The following FRAS1 variants were observed in gnomAD, a reference collection of about 807,000 sequenced individuals.
FRAS1 encodes the protein Fraser extracellular matrix complex subunit 1.
Under a neutral mutation model 435.2 loss-of-function variants are expected in FRAS1, and 290 were observed. The ratio of observed to expected loss-of-function variants is 0.67; its 90% CI spans 0.61 to 0.73. FRAS1 has a LOEUF of 0.73. Among genes scored for constraint, FRAS1 ranks in the 30% least tolerant of loss-of-function variants. The pLI, the probability that FRAS1 is intolerant of heterozygous loss-of-function variation, is 0.00. For missense variants in FRAS1, 4,860 were observed against 5,001.5 expected, an observed-to-expected ratio of 0.97 and a Z score of 0.85; for synonymous variants, 1,800 against 1,851.0, an observed-to-expected ratio of 0.97 and a Z score of 0.71.
At chr4:78,231,155 C>T (rs1179399954) in intron 2 of FRAS1, among the ~76,000 whole-genome samples, 1 of 151,908 alleles carries the variant, frequency 6.6e-6, no homozygotes, top group Non-Finnish European at 1.5e-5. Context: ...TGGGGCTTCA[C>T]CATGTTGGCC....
intron 1 of FRAS1, among the ~76,000 whole-genome samples, chr4:78,060,749 G>A (rs1454323752): frequency 6.6e-6 from 1 of 152,194 alleles, no homozygotes; most frequent in African/African-American, 2.4e-5. Context: ...ATAGCTCTAA[G>A]ATACTTTGGC....
chr4:78,197,701 G>C (rs1313367481), intron 2 of FRAS1, among the ~76,000 whole-genome samples: 2 of 152,170 alleles, frequency 1.3e-5, no homozygotes, highest in Non-Finnish European at 2.9e-5. Context: ...CAGCACTTTG[G>C]GAGGCTAAGG....
rs74926675 is a variant in FRAS1 at position 78,347,980 on chromosome 4, A to ACAT, written c.2422+10163_2422+10164insCAT. Among the ~76,000 whole-genome samples, 25 of 51,946 alleles carry ACAT rather than the reference A, an allele frequency of 4.8e-4. 1 individual carries two copies. Among genetic ancestry groups the ACAT allele is most frequent in the African/African-American group, 8.4e-4 (5 of 5,964 alleles). 34.1% of individuals were successfully genotyped at this position (51,946 alleles called of 152,430 possible). A position where few individuals can be genotyped will look rare whatever the true frequency, so the allele number is the denominator to read the frequency against. ...TAAATTGGATACAAAGCTTCAAGAT[A>ACAT]GGGGAGGAGCCAAGATGGCCGAATA... On this transcript the variant is annotated intron_variant, in intron 20 of 73. Coordinates refer to ENST00000512123, the MANE Select transcript of FRAS1 (RefSeq NM_025074.7).
intron 2 of FRAS1, among the ~76,000 whole-genome samples, chr4:78,072,298 T>A (rs1385545332): frequency 6.6e-6 from 1 of 152,154 alleles, no homozygotes; most frequent in African/African-American, 2.4e-5. Context: ...TTTTTAAAAA[T>A]TGGTGTGCTA....
chr4:78,406,296 A>C (rs998812262), intron 30 of FRAS1, among the ~76,000 whole-genome samples: 10 of 152,208 alleles, frequency 6.6e-5, no homozygotes, highest in African/African-American at 2.2e-4. Context: ...AGAATAATTA[A>C]ATAGAATTAA....
intron 2 of FRAS1, among the ~76,000 whole-genome samples, chr4:78,217,295 G>C (rs1484470010): frequency 6.6e-6 from 1 of 152,242 alleles, no homozygotes; most frequent in African/African-American, 2.4e-5. Flanking sequence ...CATCCTAACA[G>C]ATACACCCAA....
intron 2 of FRAS1, among the ~76,000 whole-genome samples, chr4:78,200,583 A>C (rs1475568003): frequency 6.6e-6 from 1 of 152,090 alleles, no homozygotes; most frequent in Non-Finnish European, 1.5e-5. Context: ...GGGTAAAGGG[A>C]TTGATGCAAC....
At chr4:78,339,319 T>G (rs986465735) in intron 20 of FRAS1, among the ~76,000 whole-genome samples, 9 of 152,210 alleles carry the variant, frequency 5.9e-5, no homozygotes, top group Non-Finnish European at 1.3e-4. Context: ...GGATATTTAC[T>G]GAGAACTCAC....
chr4:78,181,430 T>C, intron 2 of FRAS1: 1 of 1,612,050 alleles, frequency 6.2e-7, no homozygotes, highest in Admixed American at 1.7e-5. Flanking sequence ...GCCACTGTAA[T>C]GTGAAAAAGA....
chr4:78,341,587 T>C (rs182616942), intron 20 of FRAS1, among the ~76,000 whole-genome samples: 1 of 152,288 alleles, frequency 6.6e-6, no homozygotes, highest in Admixed American at 6.5e-5. Flanking sequence ...TGCTGTTTTG[T>C]CTGCAAAAAT....
At chr4:78,066,608 G>A (rs1740050386) in intron 2 of FRAS1, among the ~76,000 whole-genome samples, 1 of 152,176 alleles carries the variant, frequency 6.6e-6, no homozygotes, top group Non-Finnish European at 1.5e-5. Flanking sequence ...GCACTATGGT[G>A]CATAACAGTG....
At position 78,540,661 on chromosome 4, in the gene FRAS1, A is replaced by G. The variant is rs556699535; in HGVS notation, c.11576A>G (p.Asp3859Gly). ...RRNRRDLVEP[D>G]GQLILDDSLI... ...AACCGAAGGGACCTGGTAGAGCCCG[A>G]TGGCCAGCTGATCCTTGATGATTCC... The change falls in exon 74 of 74, where the codon GAT becomes GGT. Residue 3859 changes from aspartate (D) to glycine (G), a missense_variant. Transcript: ENST00000512123. 3 of 1,612,500 alleles carry G rather than the reference A, an allele frequency of 1.9e-6. No individual in the cohort carries two copies. Among genetic ancestry groups the G allele is most frequent in the African/African-American group, 2.7e-5 (2 of 75,010 alleles).
At chr4:78,157,346 T>C (rs1302337421) in intron 2 of FRAS1, among the ~76,000 whole-genome samples, 2 of 152,220 alleles carry the variant, frequency 1.3e-5, no homozygotes, top group East Asian at 1.9e-4. Flanking sequence ...TATGCAGTAA[T>C]GGGATTGCTG....
intron 10 of FRAS1, among the ~76,000 whole-genome samples, chr4:78,280,952 C>T (rs1727304253): frequency 6.6e-6 from 1 of 152,082 alleles, no homozygotes; most frequent in African/African-American, 2.4e-5. Context: ...TTTAAAGCCT[C>T]CCTATAAATA....
intron 18 of FRAS1, chr4:78,319,636 T>G: frequency 3.5e-6 from 1 of 288,024 alleles, no homozygotes; most frequent in Non-Finnish European, 7.0e-6. Flanking sequence ...TTAAAAAAAT[T>G]TTATAATACA....
At chr4:78,075,457 C>G (rs570320372) in intron 2 of FRAS1, among the ~76,000 whole-genome samples, 26 of 152,142 alleles carry the variant, frequency 1.7e-4, no homozygotes, top group African/African-American at 6.3e-4. Context: ...TTTATGTTAC[C>G]GCAGCCAGCA....
At chr4:78,122,918 C>G (rs940938640) in intron 2 of FRAS1, among the ~76,000 whole-genome samples, 6 of 152,030 alleles carry the variant, frequency 3.9e-5, no homozygotes, top group Non-Finnish European at 5.9e-5. Context: ...TTCTTCCATT[C>G]TGTAGGTTGC....
chr4:78,441,178 G>C lies in FRAS1; in HGVS notation c.5546G>C (p.Arg1849Thr). 1 of 1,613,642 alleles carries C rather than the reference G, an allele frequency of 6.2e-7. No homozygotes were observed. The highest frequency in any genetic ancestry group is 8.5e-7 in the Non-Finnish European group (1 of 1,179,628). Residue 1849 changes from arginine to threonine, a missense_variant, in exon 41 of 74, where the codon AGA becomes ACA. Arg to Thr is a moderately conservative substitution (Grantham distance 71). Coordinates refer to ENST00000512123, the MANE Select transcript of FRAS1 (RefSeq NM_025074.7). ...ADLITVDEGG[R>T]APLSFHHFFA... ...CTTTCTTAGGTTGATGAGGGAGGGA[G>C]AGCACCACTCTCATTTCACCATTTT...
At chr4:78,310,763 G>T (rs1728983412) in intron 15 of FRAS1, among the ~76,000 whole-genome samples, 1 of 152,196 alleles carries the variant, frequency 6.6e-6, no homozygotes, top group African/African-American at 2.4e-5. Context: ...ATTGGTATCG[G>T]AATGTTAATT....
Sources: allele counts gnomAD v4.1 joint callset (sites outside exome capture counted in the v4.1 genomes callset), GRCh38; gene constraint gnomAD v4.1.1; transcripts MANE v1.5; gene names NCBI Gene and HGNC (gene_info 2026-07-23, HGNC 2026-07-21).